Variants in ADGRG1 observed in about 807,000 individuals in gnomAD.
ADGRG1 encodes 7-transmembrane protein with no EGF-like N-terminal domains-1.
Under a neutral mutation model 73.5 loss-of-function variants are expected in ADGRG1, and 53 were observed. The ratio of observed to expected loss-of-function variants is 0.72; its 90% CI spans 0.58 to 0.91. ADGRG1 has a LOEUF of 0.91. Among genes scored for constraint, ADGRG1 ranks in the 40% least tolerant of loss-of-function variants. The pLI, the probability that ADGRG1 is intolerant of heterozygous loss-of-function variation, is 0.00. For missense variants in ADGRG1, 795 were observed against 871.8 expected, an observed-to-expected ratio of 0.91 and a Z score of 1.11; for synonymous variants, 394 against 374.4, an observed-to-expected ratio of 1.05 and a Z score of -0.60.
At chr16:57,626,711 GGT>G (rs201242161), upstream of ADGRG1, 8 of 982,826 alleles carry the variant, frequency 8.1e-6, no homozygotes, top group African/African-American at 1.1e-4. Flanking sequence ...CGCTCTGTGG[GGT>G]GTGTGTGTGG....
rs111993558 is a variant in ADGRG1 at position 57,645,122 on chromosome 16, C to T, written c.-35-5131C>T. On this transcript the variant is annotated intron_variant, in intron 1 of 13. Coordinates refer to ENST00000562631, the MANE Select transcript of ADGRG1 (RefSeq NM_201525.4). ...AGTTCATCCTCACCCTGCCGCCCGA[C>T]CCCCTGGGCCAAATCCTTGCTTCCA... 215 of 970,094 alleles carry T rather than the reference C, an allele frequency of 2.2e-4. 1 individual carries two copies. In the African/African-American group the frequency reaches 4.2e-3, roughly 19 times the overall value. The allele number at this position is 970,094 out of a possible 1,614,324, so 60.1% of individuals were successfully genotyped here.
rs1040451924 is a variant in ADGRG1, at chr16:57,655,428, G to A, written c.798G>A (p.Ser266=). The change falls in exon 6 of 14, where the codon TCG becomes TCA. Residue 266 remains serine (S), a synonymous_variant. Transcript: ENST00000562631. ...EEEQSEIMEY[S]VLLPRTLFQR... Reference sequence around the variant, plus strand: ...AGCAGAGCGAGATCATGGAGTACTCGGTGCTGCTGCCTCGAACACTCTTCC... The same window carrying A: ...AGCAGAGCGAGATCATGGAGTACTCAGTGCTGCTGCCTCGAACACTCTTCC... The A allele has an allele frequency of 9.3e-6, 15 of 1,613,536 alleles. No individual in the cohort carries two copies. Among genetic ancestry groups the A allele is most frequent in the South Asian group, 2.2e-5 (2 of 91,078 alleles).
intron 2 of ADGRG1, 152 bp from the exon 3 acceptor site, chr16:57,651,048 A>G: frequency 2.6e-6 from 4 of 1,552,754 alleles, no homozygotes; most frequent in Non-Finnish European, 3.5e-6. Context: ...ATAAGTTTTG[A>G]GTGGGAAAGA....
chr16:57,637,743 G>A, intron 1 of ADGRG1: 16 of 976,754 alleles, frequency 1.6e-5, no homozygotes, highest in Non-Finnish European at 1.9e-5. Flanking sequence ...GAGGGGCGGG[G>A]GAGAAGGGGA....
intron 1 of ADGRG1, chr16:57,631,570 C>T (rs1310647637): frequency 7.1e-6 from 7 of 985,468 alleles, no homozygotes; most frequent in Non-Finnish European, 8.4e-6. Context: ...CCCCCGTCCC[C>T]ATGCTGGGGG....
chr16:57,652,886 A>G (rs2044453406), intron 3 of ADGRG1: 16 of 1,220,188 alleles, frequency 1.3e-5, no homozygotes, highest in Non-Finnish European at 1.7e-5. Flanking sequence ...CATCCCTCCT[A>G]AGGAGGCCTG....
chr16:57,647,336 G>T (rs1013019619), intron 1 of ADGRG1: 53 of 983,384 alleles, frequency 5.4e-5, no homozygotes, highest in Non-Finnish European at 6.3e-5. Context: ...TGCTCTGGTG[G>T]GTGAGCTGGT....
chr16:57,625,057 C>G (rs1049091019), upstream of ADGRG1, among the ~76,000 whole-genome samples: 1 of 152,064 alleles, frequency 6.6e-6, no homozygotes, highest in Non-Finnish European at 1.5e-5. Flanking sequence ...TCACAGACTC[C>G]GGGCTCAGAG....
intron 1 of ADGRG1, chr16:57,632,463 GT>G: frequency 1.7e-5 from 7 of 407,464 alleles, no homozygotes; most frequent in Non-Finnish European, 2.0e-5. Flanking sequence ...ATATGGGAAA[GT>G]GCCTTTCCCA....
intron 5 of ADGRG1, chr16:57,655,043 C>T: frequency 1.0e-6 from 1 of 984,928 alleles, no homozygotes; most frequent in Non-Finnish European, 1.2e-6. Context: ...TGAGACTGCC[C>T]CCTGAGTGGC....
At chr16:57,637,477 C>T (rs2039655542) in intron 1 of ADGRG1, 5 of 985,330 alleles carry the variant, frequency 5.1e-6, no homozygotes, top group Non-Finnish European at 6.0e-6. Context: ...CCCCCAGGTC[C>T]CCTGAACCAC....
At chr16:57,655,304 T>G in intron 5 of ADGRG1, 95 bp from the exon 6 acceptor site, 1 of 1,583,612 alleles carries the variant, frequency 6.3e-7, no homozygotes, top group Non-Finnish European at 8.5e-7. Flanking sequence ...AGTGGCAGCG[T>G]CCAGGAACGG....
At chr16:57,634,550 A>T in intron 1 of ADGRG1, 1 of 860,244 alleles carries the variant, frequency 1.2e-6, no homozygotes, top group Non-Finnish European at 1.4e-6. Context: ...TTCACAGATG[A>T]GGAATCAGGC....
At chr16:57,627,213 C>T, upstream of ADGRG1, 2 of 360,688 alleles carry the variant, frequency 5.5e-6, no homozygotes, top group Non-Finnish European at 7.8e-6. Flanking sequence ...CCTAGGCTGC[C>T]CGAGACGTTC....
intron 2 of ADGRG1, chr16:57,621,718 G>C (rs2034858111): frequency 3.8e-6 from 1 of 261,532 alleles, no homozygotes; most frequent in Non-Finnish European, 5.9e-6. Flanking sequence ...TGCCTGACCA[G>C]AGGCACCTGA....
In ADGRG1 at chr16:57,622,632, C is replaced by T. The variant is rs138541794; in HGVS notation, c.-154+1237C>T. On this transcript the variant is annotated intron_variant, in intron 2 of 4. Transcript: ENST00000561833. ...GCTTATTAGAGGTGGCTCAGCCTTG[C>T]TCTGGGCTCAGGGGCTTCTGAAGGC... 619 of 283,896 alleles carry T rather than the reference C, an allele frequency of 2.2e-3. 19 individuals are homozygous for T. In the East Asian group the frequency reaches 0.045, roughly 21 times the overall value. 17.6% of individuals were successfully genotyped at this position (283,896 alleles called of 1,614,324 possible).
chr16:57,620,111 G>T (rs1200358210), upstream of ADGRG1: 7 of 152,376 alleles, frequency 4.6e-5, no homozygotes, highest in Admixed American at 4.6e-4. Flanking sequence ...GGCACAGGCC[G>T]GTGAGGGACC....
At position 57,665,161 on chromosome 16, in the gene ADGRG1, G is replaced by GAA. The variant is rs57510730; in HGVS notation, c.*1590_*1591dup. Reference sequence around the variant, plus strand: ...AAGAGAGAAGAGGGCTGTGTGTGAAGAAAAAAAAAAAATCGACTGCTGGAA... The same window carrying GAA: ...AAGAGAGAAGAGGGCTGTGTGTGAAGAAAAAAAAAAAAAATCGACTGCTGGAA... On this transcript the variant is annotated 3_prime_UTR_variant, in exon 14 of 14. Coordinates refer to ENST00000562631, the MANE Select transcript of ADGRG1 (RefSeq NM_201525.4). 1.1e-4 allele frequency: 16 copies of GAA among 143,796 alleles called. No homozygotes were observed. Among genetic ancestry groups the GAA allele is most frequent in the African/African-American group, 1.8e-4 (7 of 39,728 alleles). The allele number at this position is 143,796 out of a possible 1,614,324, so 8.9% of individuals were successfully genotyped here.
At chr16:57,643,113 A>G (rs567321802) in intron 1 of ADGRG1, 5 of 152,254 alleles carry the variant, frequency 3.3e-5, no homozygotes, top group African/African-American at 1.2e-4. Context: ...CCCACTCATC[A>G]TCTGGTGTCC....
Sources: gnomAD v4.1 joint callset for allele counts (sites outside exome capture counted in the v4.1 genomes callset) on GRCh38, gnomAD v4.1.1 for gene constraint, MANE v1.5 for transcripts, NCBI Gene and HGNC (gene_info 2026-07-23, HGNC 2026-07-21) for gene names.